The following AP5Z1 variants were observed in gnomAD, a reference collection of about 807,000 sequenced individuals.
The protein encoded by AP5Z1 is adaptor related protein complex 5 subunit zeta 1.
Under a neutral mutation model 83.0 loss-of-function variants are expected in AP5Z1, and 106 were observed. The observed-to-expected ratio is 1.28, with a 90% CI of 1.09 to 1.50. The LOEUF (loss-of-function observed/expected upper bound fraction) is 1.50. Among genes scored for constraint, AP5Z1 ranks in the 40% most tolerant of loss-of-function variants. The pLI is 0.00. For missense variants in AP5Z1, 1,565 were observed against 1,094.2 expected, an observed-to-expected ratio of 1.43 and a Z score of -6.07; for synonymous variants, 751 against 514.1, an observed-to-expected ratio of 1.46 and a Z score of -6.23.
chr7:4,783,175 G>A (rs558060677), intron 3 of AP5Z1, 141 bp from the exon 4 acceptor site: 29 of 1,311,640 alleles, frequency 2.2e-5, no homozygotes, highest in South Asian at 1.7e-4. Flanking sequence ...GTGGGCCTGC[G>A]CGGGACATCC....
chr7:4,790,624 C>G (rs1019285320), intron 15 of AP5Z1, 33 bp downstream of exon 15: 10 of 1,612,382 alleles, frequency 6.2e-6, no homozygotes, highest in Non-Finnish European at 6.8e-6. Context: ...ACAGCCGCTC[C>G]TGACCCAGGA....
In AP5Z1 at chr7:4,792,144, G is replaced by GCGGCCC. The variant is rs1190751804; in HGVS notation, c.*761_*766dup. On this transcript the variant is annotated 3_prime_UTR_variant, in exon 17 of 17. Transcript: ENST00000649063. ...GCGCGAAGGGGAGGTGTCTGGGCGT[G>GCGGCCC]CGGCCCCAGCCCCGCCACCTTCCTG... 1 of 152,198 alleles carries GCGGCCC rather than the reference G, an allele frequency of 6.6e-6. No individual in the cohort carries two copies. The highest frequency in any genetic ancestry group is 2.4e-5 in the African/African-American group (1 of 41,412). 9.4% of individuals were successfully genotyped at this position (152,198 alleles called of 1,614,324 possible). A position where few individuals can be genotyped will look rare whatever the true frequency, so the allele number is the denominator to read the frequency against.
At chr7:4,786,647 T>C (rs546863183) in intron 10 of AP5Z1, among the ~76,000 whole-genome samples, 1 of 152,220 alleles carries the variant, frequency 6.6e-6, no homozygotes, top group African/African-American at 2.4e-5. Context: ...GTGGGTGTTT[T>C]GGAGAGGGGG....
chr7:4,775,821 G>T (rs1781209613), intron 1 of AP5Z1, 65 bp downstream of exon 1: 3 of 1,575,390 alleles, frequency 1.9e-6, no homozygotes, highest in Non-Finnish European at 1.7e-6. Context: ...ACGGGGGTGG[G>T]TCTCACAGGG....
Position 4,781,715 on chromosome 7 carries a change from C to T in AP5Z1, c.327C>T (p.Ser109=), listed in dbSNP as rs773974454. 9 of 1,582,590 alleles carry T rather than the reference C, an allele frequency of 5.7e-6. No individual in the cohort carries two copies. The highest frequency in any genetic ancestry group is 2.3e-5 in the East Asian group (1 of 43,956). ...LSLAWDHTQN[S]RQLSLVASVL... ...TGGCCTGGGACCACACGCAGAACAG[C>T]CGGCAGCTGAGCCTGGTGGCCTCCG... The change falls in exon 3 of 17, where the codon AGC becomes AGT. Residue 109 remains serine, a synonymous_variant. Coordinates refer to ENST00000649063, the MANE Select transcript of AP5Z1 (RefSeq NM_014855.3).
In AP5Z1 at chr7:4,785,528, G is replaced by C; in HGVS notation, c.976G>C (p.Val326Leu). ...GDSDLQKACL[V>L]EAVLVLDVLC... ...TGTGGTCCATGTCCCGCAGTGCCTG[G>C]TGGAGGCCGTGCTGGTGCTGGACGT... Residue 326 changes from valine to leucine, a missense_variant, in exon 9 of 17, where the codon GTG (valine) becomes CTG (leucine). By Grantham distance (32) the Val-to-Leu change is conservative (BLOSUM62 1). Coordinates refer to ENST00000649063, the MANE Select transcript of AP5Z1 (RefSeq NM_014855.3). 2 of 1,613,206 alleles carry C rather than the reference G, an allele frequency of 1.2e-6. No homozygotes were observed. The highest frequency in any genetic ancestry group is 1.7e-6 in the Non-Finnish European group (2 of 1,179,724).
At position 4,783,413 on chromosome 7, in the gene AP5Z1, C is replaced by T. The variant is rs1781438882; in HGVS notation, c.464C>T (p.Pro155Leu). Residue 155 changes from proline to leucine, a missense_variant, in exon 4 of 17, where the codon CCC (proline) becomes CTC (leucine). Coordinates refer to ENST00000649063, the MANE Select transcript of AP5Z1 (RefSeq NM_014855.3). ...PEGPSLRHLL[P>L]VMAKVVVLSP... ...GGACCCAGCCTCAGACACCTCCTCC[C>T]CGTCATGGCCAAGGTCGTGGTCCTC... 12 of 1,613,104 alleles carry T rather than the reference C, an allele frequency of 7.4e-6. No homozygotes were observed. Among genetic ancestry groups the T allele is most frequent in the Non-Finnish European group, 1.0e-5 (12 of 1,179,764 alleles).
At chr7:4,789,768 A>C (rs1583240206) in intron 13 of AP5Z1, 64 bp from the exon 14 acceptor site, 1 of 1,344,068 alleles carries the variant, frequency 7.4e-7, no homozygotes, top group Non-Finnish European at 1.0e-6. Context: ...CCATGGCTTC[A>C]CCCCCAACCT....
chr7:4,786,386 G>A lies in AP5Z1; in HGVS notation c.1269G>A (p.Gly423=). 2 of 1,613,868 alleles carry A rather than the reference G, an allele frequency of 1.2e-6. No individual in the cohort carries two copies. The highest frequency in any genetic ancestry group is 2.2e-5 in the East Asian group (1 of 44,880). The change falls in exon 10 of 17, where the codon GGG becomes GGA. Residue 423 remains glycine (G), a synonymous_variant. Transcript: ENST00000649063. ...GGGACAACCTCCACCTGTTCAGCGG[G>A]CACCTCAGCACCCTCAGATTGAGCT... The part of the protein sequence containing the change: ...FCRDNLHLFS[G]HLSTLRLSFP...
chr7:4,782,151 C>G (rs945503706), intron 3 of AP5Z1, among the ~76,000 whole-genome samples: 1 of 152,178 alleles, frequency 6.6e-6, no homozygotes, highest in Non-Finnish European at 1.5e-5. Flanking sequence ...CTCCCTGGCT[C>G]AAGCAATCCT....
chr7:4,786,387 C>T lies in AP5Z1; in HGVS notation c.1270C>T (p.His424Tyr). The T allele has an allele frequency of 6.2e-7, 1 of 1,613,926 alleles. No homozygotes were observed. The change falls in exon 10 of 17, where the codon CAC (histidine) becomes TAC (tyrosine). Residue 424 changes from histidine (H) to tyrosine (Y), a missense_variant. By Grantham distance (83) the His-to-Tyr change is moderately conservative. Coordinates refer to ENST00000649063, the MANE Select transcript of AP5Z1 (RefSeq NM_014855.3). ...CRDNLHLFSG[H>Y]LSTLRLSFPN... ...GGACAACCTCCACCTGTTCAGCGGGCACCTCAGCACCCTCAGATTGAGCTT... is the reference window on the plus strand; with the variant it reads ...GGACAACCTCCACCTGTTCAGCGGGTACCTCAGCACCCTCAGATTGAGCTT...
chr7:4,776,794 G>A (rs1781241442), intron 1 of AP5Z1, among the ~76,000 whole-genome samples: 1 of 152,002 alleles, frequency 6.6e-6, no homozygotes, highest in Non-Finnish European at 1.5e-5. Context: ...CTTGGTAAAC[G>A]TAAACAAACT....
At chr7:4,789,748 C>T (rs1426035877) in intron 13 of AP5Z1, 84 bp from the exon 14 acceptor site, 2 of 1,071,530 alleles carry the variant, frequency 1.9e-6, no homozygotes, top group Middle Eastern at 2.1e-4. Context: ...CACCTGCCCC[C>T]CAGCCCTCAC....
chr7:4,776,316 C>T (rs1179601793), intron 1 of AP5Z1, among the ~76,000 whole-genome samples: 3 of 152,162 alleles, frequency 2.0e-5, no homozygotes, highest in African/African-American at 7.2e-5. Flanking sequence ...GAGTGAGTAG[C>T]TCCTTCCTCA....
At position 4,783,477 on chromosome 7, in the gene AP5Z1, C is replaced by T; in HGVS notation, c.511+17C>T. Reference sequence around the variant, plus strand: ...TCCAGGAGGGTACGCGGGGCCCCTCCCAAGAGGCTGTTGGGGGTCTGCCTT... The same window carrying T: ...TCCAGGAGGGTACGCGGGGCCCCTCTCAAGAGGCTGTTGGGGGTCTGCCTT... On this transcript the variant is annotated intron_variant, in intron 4 of 16. Transcript: ENST00000649063. 6.2e-7 allele frequency: 1 copy of T among 1,608,170 alleles called. No individual in the cohort carries two copies. The highest frequency in any genetic ancestry group is 1.3e-5 in the African/African-American group (1 of 74,902).
At chr7:4,777,592 T>A (rs1424662525) in intron 1 of AP5Z1, among the ~76,000 whole-genome samples, 1 of 152,126 alleles carries the variant, frequency 6.6e-6, no homozygotes, top group African/African-American at 2.4e-5. Flanking sequence ...TTTCACCACA[T>A]TGTCCAGGCT....
intron 10 of AP5Z1, among the ~76,000 whole-genome samples, chr7:4,786,943 G>C (rs1406497694): frequency 4.6e-5 from 7 of 151,820 alleles, no homozygotes; most frequent in Admixed American, 3.9e-4. Context: ...GCTAATTTTT[G>C]GTATTTTTAG....
chr7:4,786,138 G>A lies in AP5Z1; in HGVS notation c.1133-112G>A, dbSNP rs550796831. ...CAGCGTCCCAGCGTAGGACGCCTCG[G>A]AGCCCTTGGTGTCCTGGAGAGCAGG... On this transcript the variant is annotated intron_variant, in intron 9 of 16. Transcript: ENST00000649063. 1,882 of 1,181,070 alleles carry A rather than the reference G, an allele frequency of 1.6e-3. 4 individuals carry two copies. Among genetic ancestry groups the A allele is most frequent in the Non-Finnish European group, 2.0e-3 (1,746 of 869,890 alleles). The allele number at this position is 1,181,070 out of a possible 1,614,324, so 73.2% of individuals were successfully genotyped here. A position where few individuals can be genotyped will look rare whatever the true frequency, so the allele number is the denominator to read the frequency against.
intron 10 of AP5Z1, among the ~76,000 whole-genome samples, 168 bp downstream of exon 10, chr7:4,786,596 G>A (rs1195124018): frequency 1.3e-5 from 2 of 152,164 alleles, no homozygotes; most frequent in East Asian, 3.9e-4. Flanking sequence ...GGGTGTCCCT[G>A]CAGCGTCACG....
Sources: allele counts gnomAD v4.1 joint callset (sites outside exome capture counted in the v4.1 genomes callset), GRCh38; gene constraint gnomAD v4.1.1; transcripts MANE v1.5; gene names NCBI Gene and HGNC (gene_info 2026-07-23, HGNC 2026-07-21).